Variants in C3orf20 observed in about 807,000 individuals in gnomAD.
The protein encoded by C3orf20 is uncharacterized protein C3orf20.
A neutral mutation model predicts 88.3 loss-of-function variants in C3orf20; 76 were observed. The observed-to-expected ratio is 0.86, with a 90% CI of 0.72 to 1.04. The LOEUF (loss-of-function observed/expected upper bound fraction) is 1.04. Ranked by LOEUF, C3orf20 falls within the 50% of genes least tolerant of loss-of-function variation. C3orf20 has a pLI of 0.00. For synonymous variants in C3orf20, 436 were observed against 437.4 expected, an observed-to-expected ratio of 1.00 and a Z score of 0.04; for missense variants, 1,056 against 1,123.3, an observed-to-expected ratio of 0.94 and a Z score of 0.86.
rs201133677 is a variant in C3orf20 at position 14,682,725 on chromosome 3, C to T, written c.12C>T (p.Ile4=). The T allele has an allele frequency of 3.7e-6, 6 of 1,609,350 alleles. No homozygotes were observed. The Admixed American group carries it at 1.0e-4, about 27-fold the overall frequency. The part of the protein sequence containing the change: MSY[I]KSNLELYQQY... ...TGAAGGTCCCTCTCATGAGTTACAT[C>T]AAGAGTAACCTAGAATTATATCAGC... Residue 4 remains isoleucine (I), a synonymous_variant, in exon 3 of 17, where the codon ATC becomes ATT. Transcript: ENST00000253697.
chr3:14,694,291 A>G (rs891709305), intron 5 of C3orf20, among the ~76,000 whole-genome samples: 1 of 152,110 alleles, frequency 6.6e-6, no homozygotes, highest in African/African-American at 2.4e-5. Flanking sequence ...TGTTTGGTGG[A>G]ATTTGACAGT....
chr3:14,687,653 T>C (rs1345662728), intron 4 of C3orf20, among the ~76,000 whole-genome samples: 1 of 152,238 alleles, frequency 6.6e-6, no homozygotes, highest in Non-Finnish European at 1.5e-5. Context: ...CCCTCGGGCC[T>C]GACACCTGCC....
intron 12 of C3orf20, among the ~76,000 whole-genome samples, chr3:14,741,652 T>C (rs181610403): frequency 6.6e-6 from 1 of 152,252 alleles, no homozygotes; most frequent in East Asian, 1.9e-4. Context: ...AGAAAAGAAT[T>C]AAAGTGCAAG....
chr3:14,727,288 A>G (rs866075469), intron 11 of C3orf20, among the ~76,000 whole-genome samples: 1 of 152,018 alleles, frequency 6.6e-6, no homozygotes, highest in South Asian at 2.1e-4. Flanking sequence ...GCACATCTCC[A>G]TGAGATTGTC....
At chr3:14,729,825 G>A (rs1195116013) in intron 12 of C3orf20, among the ~76,000 whole-genome samples, 3 of 152,210 alleles carry the variant, frequency 2.0e-5, no homozygotes, top group African/African-American at 4.8e-5. Flanking sequence ...GATTACAGGC[G>A]TGAGCCACTG....
chr3:14,748,953 G>A (rs1559438617), intron 12 of C3orf20, among the ~76,000 whole-genome samples: 1 of 152,156 alleles, frequency 6.6e-6, no homozygotes, highest in Non-Finnish European at 1.5e-5. Context: ...TTCTATATGT[G>A]TCTGTTAGTT....
intron 5 of C3orf20, among the ~76,000 whole-genome samples, chr3:14,698,011 A>G (rs1054765806): frequency 2.8e-4 from 43 of 152,322 alleles, no homozygotes; most frequent in African/African-American, 8.7e-4. Context: ...TAGTGCTGCA[A>G]TGAACATACG....
At chr3:14,723,149 G>A (rs2034226289) in intron 10 of C3orf20, among the ~76,000 whole-genome samples, 1 of 152,222 alleles carries the variant, frequency 6.6e-6, no homozygotes, top group Non-Finnish European at 1.5e-5. Flanking sequence ...TGGTTTGGAT[G>A]ATAGATTATA....
chr3:14,767,997 A>C (rs2035763652), intron 15 of C3orf20, among the ~76,000 whole-genome samples: 1 of 152,246 alleles, frequency 6.6e-6, no homozygotes, highest in Non-Finnish European at 1.5e-5. Context: ...GACCTGATAA[A>C]GACAGAGCGC....
At chr3:14,684,063 C>T (rs1003400434) in intron 3 of C3orf20, among the ~76,000 whole-genome samples, 179 bp from the exon 4 acceptor site, 6 of 152,162 alleles carry the variant, frequency 3.9e-5, no homozygotes, top group East Asian at 1.9e-4. Flanking sequence ...GAGAGCAAAG[C>T]GACATCTGAA....
At chr3:14,770,161 C>T (rs1295337750) in intron 15 of C3orf20, among the ~76,000 whole-genome samples, 2 of 152,192 alleles carry the variant, frequency 1.3e-5, no homozygotes, top group African/African-American at 4.8e-5. Context: ...TAGGCCCAGA[C>T]ACTTCCACAG....
chr3:14,696,897 G>A (rs1271951590), intron 5 of C3orf20, among the ~76,000 whole-genome samples: 4 of 151,902 alleles, frequency 2.6e-5, no homozygotes, highest in African/African-American at 9.7e-5. Flanking sequence ...TGTTTGTCTA[G>A]GAAAGTCTTT....
chr3:14,732,744 A>C (rs2034578522), intron 12 of C3orf20, among the ~76,000 whole-genome samples: 1 of 152,230 alleles, frequency 6.6e-6, no homozygotes, highest in African/African-American at 2.4e-5. Context: ...CCAAAATGTC[A>C]ATAGTGCCAA....
chr3:14,706,820 G>A lies in C3orf20; in HGVS notation c.1160+2202G>A, dbSNP rs114305055. 6.3e-3 allele frequency among the ~76,000 whole-genome samples: 960 copies of A among 152,134 alleles called. 3 individuals are homozygous for A. The highest frequency in any genetic ancestry group is 8.5e-3 in the Non-Finnish European group (578 of 67,994). On this transcript the variant is annotated intron_variant, in intron 7 of 16. Transcript: ENST00000253697. The stretch of plus-strand genomic sequence containing the variant: ...CTGTGTTCAAATGGTCAGAACACAT[G>A]TGCAGCTATTTGATCCCTCTCAAGT...
At chr3:14,758,900 A>G (rs1370857183) in intron 13 of C3orf20, among the ~76,000 whole-genome samples, 2 of 152,248 alleles carry the variant, frequency 1.3e-5, no homozygotes, top group Non-Finnish European at 2.9e-5. Context: ...TCCAGTGAGC[A>G]TGTATTGAGT....
chr3:14,758,845 C>G (rs987706032), intron 13 of C3orf20, among the ~76,000 whole-genome samples: 6 of 152,236 alleles, frequency 3.9e-5, no homozygotes, highest in Admixed American at 3.9e-4. Context: ...TCCCATACAG[C>G]AAAGCCATGT....
rs534606118 is a variant in C3orf20 at position 14,707,019 on chromosome 3, G to C, written c.1160+2401G>C. The stretch of plus-strand genomic sequence containing the variant: ...AATCCCAGCAGTTTGGGAGTCCAAG[G>C]CAGGCAGATCACGAGGTCAGGAGAT... On this transcript the variant is annotated intron_variant, in intron 7 of 16. Coordinates refer to ENST00000253697, the MANE Select transcript of C3orf20 (RefSeq NM_032137.5). Among the ~76,000 whole-genome samples the C allele has an allele frequency of 4.4e-3, 668 of 152,202 alleles. 1 individual carries two copies. Among genetic ancestry groups the C allele is most frequent in the Non-Finnish European group, 7.0e-3 (475 of 68,010 alleles).
At chr3:14,740,746 T>G (rs912777532) in intron 12 of C3orf20, among the ~76,000 whole-genome samples, 1 of 152,210 alleles carries the variant, frequency 6.6e-6, no homozygotes. Context: ...GTCTTCCAAT[T>G]TACTCATGCT....
chr3:14,698,843 T>C (rs2033124548), intron 5 of C3orf20, among the ~76,000 whole-genome samples: 2 of 152,230 alleles, frequency 1.3e-5, no homozygotes, highest in South Asian at 4.1e-4. Flanking sequence ...GCCAGGTTTC[T>C]GTTCTTCCCT....
Sources: allele counts gnomAD v4.1 joint callset (sites outside exome capture counted in the v4.1 genomes callset), GRCh38; gene constraint gnomAD v4.1.1; transcripts MANE v1.5; gene names NCBI Gene and HGNC (gene_info 2026-07-23, HGNC 2026-07-21).